Variants in ESPNL observed in about 807,000 individuals in gnomAD.
ESPNL encodes espin-like protein.
In ESPNL, 49 loss-of-function variants were observed where a neutral mutation model predicts 46.8. The ratio of observed to expected loss-of-function variants is 1.05; its 90% CI spans 0.83 to 1.33. ESPNL has a LOEUF of 1.33. Ranked by LOEUF, ESPNL falls within the 40% of genes most tolerant of loss-of-function variation. The pLI is 0.00. For synonymous variants in ESPNL, 664 were observed against 662.1 expected, an observed-to-expected ratio of 1.00 and a Z score of -0.04; for missense variants, 1,540 against 1,436.6, an observed-to-expected ratio of 1.07 and a Z score of -1.16.
chr2:238,126,540 T>C (rs1692122064), intron 6 of ESPNL, among the ~76,000 whole-genome samples: 1 of 151,154 alleles, frequency 6.6e-6, no homozygotes, highest in African/African-American at 2.4e-5. Context: ...TGTGTGATTG[T>C]GCCTGTGTGT....
In ESPNL at chr2:238,128,825, C is replaced by A. The variant is rs758740622; in HGVS notation, c.1334C>A (p.Pro445His). The change falls in exon 8 of 9, where the codon CCC becomes CAC. Residue 445 changes from proline (P) to histidine (H), a missense_variant. Transcript: ENST00000343063. ...LVPTRDERGQ[P>H]IPEWKRQVMV... ...CCCACGCGGGATGAGCGCGGCCAGC[C>A]CATCCCAGAGTGGAAGCGGCAGGTG... 2 of 1,550,704 alleles carry A rather than the reference C, an allele frequency of 1.3e-6. No homozygotes were observed. Among genetic ancestry groups the A allele is most frequent in the East Asian group, 4.9e-5 (2 of 40,992 alleles).
In ESPNL at chr2:238,122,792, G is replaced by C. The variant is rs574056595; in HGVS notation, c.988-2478G>C. Among the ~76,000 whole-genome samples, 64 of 152,344 alleles carry C rather than the reference G, an allele frequency of 4.2e-4. 1 individual carries two copies. Among genetic ancestry groups the C allele is most frequent in the African/African-American group, 1.5e-3 (62 of 41,594 alleles). On this transcript the variant is annotated intron_variant, in intron 5 of 8. Transcript: ENST00000343063. ...GTCCTGGCTGGGCAGGGGACAGTGC[G>C]GGGGCATTGGGGTGGCCTTGCTGTT...
chr2:238,117,821 G>A (rs1691849901), intron 5 of ESPNL, among the ~76,000 whole-genome samples: 1 of 152,196 alleles, frequency 6.6e-6, no homozygotes, highest in South Asian at 2.1e-4. Context: ...GAGGAGGAAT[G>A]AATGGGGCAG....
intron 2 of ESPNL, among the ~76,000 whole-genome samples, chr2:238,104,060 TGTG>T (rs2106464137): frequency 6.6e-6 from 1 of 152,122 alleles, no homozygotes; most frequent in East Asian, 1.9e-4. Flanking sequence ...GGGGAGCAGG[TGTG>T]GGGGTGCTCG....
intron 5 of ESPNL, 37 bp downstream of exon 5, chr2:238,117,071 G>C (rs748181655): frequency 1.3e-6 from 2 of 1,583,004 alleles, no homozygotes; most frequent in African/African-American, 2.7e-5. Flanking sequence ...TGGAGGCATG[G>C]GGGGTGGGCC....
intron 4 of ESPNL, among the ~76,000 whole-genome samples, chr2:238,108,247 A>G (rs1691642655): frequency 6.6e-6 from 1 of 152,186 alleles, no homozygotes; most frequent in African/African-American, 2.4e-5. Flanking sequence ...TCTTGGTGAC[A>G]GTCTTCTCAG....
intron 6 of ESPNL, among the ~76,000 whole-genome samples, chr2:238,126,899 G>GTGT (rs1273547470): frequency 1.9e-4 from 21 of 110,476 alleles, no homozygotes; most frequent in Middle Eastern, 4.9e-3. Context: ...GTGATTGTGT[G>GTGT]ATTGTGTGTG....
In ESPNL at chr2:238,114,004, A is replaced by C. The variant is rs541018493; in HGVS notation, c.856-2899A>C. Among the ~76,000 whole-genome samples the C allele has an allele frequency of 6.6e-6, 1 of 152,264 alleles. No homozygotes were observed. The highest frequency in any genetic ancestry group is 2.4e-5 in the African/African-American group (1 of 41,536). On this transcript the variant is annotated intron_variant, in intron 4 of 8. Transcript: ENST00000343063. The surrounding 1 kb of genome is among the most constrained non-coding windows in gnomAD (Gnocchi z 5.0). ...TCTGCGTTACCTTACTGAGGCTGTC[A>C]GCAGGTGACTTTTACAGTGAATCCG...
chr2:238,101,717 C>A lies in ESPNL; in HGVS notation c.295-224C>A, dbSNP rs1219084897. Among the ~76,000 whole-genome samples the A allele has an allele frequency of 2.6e-5, 4 of 152,334 alleles. No homozygotes were observed. In the East Asian group the frequency reaches 5.8e-4, roughly 22 times the overall value. ...GAGAGGGCAGGGTTGCCAGAGGTGG[C>A]CTCCCAAGACCTGGACCTGAGTCCT... On this transcript the variant is annotated intron_variant, in intron 1 of 8. Transcript: ENST00000343063.
chr2:238,109,041 G>T (rs933636019), intron 4 of ESPNL, among the ~76,000 whole-genome samples: 1 of 152,080 alleles, frequency 6.6e-6, no homozygotes, highest in Non-Finnish European at 1.5e-5. Flanking sequence ...ACCCAGCTCT[G>T]TCTCCCCAGT....
chr2:238,127,633 AG>A lies in ESPNL; in HGVS notation c.1115del (p.Ser372ThrfsTer17), dbSNP rs755747094. 6.2e-7 allele frequency: 1 copy of A among 1,607,254 alleles called. No individual in the cohort carries two copies. Among genetic ancestry groups the A allele is most frequent in the Non-Finnish European group, 8.5e-7 (1 of 1,177,422 alleles). ...GPGNPSPMSL[S>X]PAWPGHPDQP... ...CTTCTTCTTGGCAGCCATGTCCCTC[AG>A]CCCGGCCTGGCCTGGCCATCCTGAC... On this transcript the variant is annotated frameshift_variant, in exon 7 of 9. Transcript: ENST00000343063. LOFTEE classifies it high-confidence loss of function.
intron 5 of ESPNL, among the ~76,000 whole-genome samples, chr2:238,117,411 C>T (rs960958124): frequency 1.3e-5 from 2 of 152,200 alleles, no homozygotes; most frequent in Non-Finnish European, 2.9e-5. Flanking sequence ...CCATGCCTTT[C>T]GTCTGGGTCA....
chr2:238,107,948 A>G lies in ESPNL; in HGVS notation c.830A>G (p.Asp277Gly). The part of the protein sequence containing the change: ...RDSWGGTPLH[D>G]AAENGQMECC... ...TCCTGGGGTGGGACCCCCCTCCACG[A>G]CGCAGCAGAGAACGGGCAGATGGAG... Residue 277 changes from aspartate to glycine, a missense_variant, in exon 4 of 9, where the codon GAC becomes GGC. Asp to Gly is a moderately conservative substitution (Grantham distance 94). Coordinates refer to ENST00000343063, the MANE Select transcript of ESPNL (RefSeq NM_194312.4). The G allele has an allele frequency of 6.2e-7, 1 of 1,612,882 alleles. No homozygotes were observed.
intron 5 of ESPNL, among the ~76,000 whole-genome samples, chr2:238,120,862 A>G (rs1691972530): frequency 1.3e-5 from 2 of 152,218 alleles, no homozygotes; most frequent in African/African-American, 2.4e-5. Context: ...GGCTGCTCAC[A>G]CTGGCCGCCT....
chr2:238,109,263 A>G (rs1170583316), intron 4 of ESPNL, among the ~76,000 whole-genome samples: 1 of 152,252 alleles, frequency 6.6e-6, no homozygotes. Flanking sequence ...TTCAAATGAA[A>G]TATTTGATAG....
intron 5 of ESPNL, among the ~76,000 whole-genome samples, chr2:238,123,334 C>A (rs981674235): frequency 6.6e-6 from 1 of 152,236 alleles, no homozygotes; most frequent in Non-Finnish European, 1.5e-5. Context: ...AGACTGAGGT[C>A]TCCAGTGAGA....
chr2:238,125,329 G>A lies in ESPNL; in HGVS notation c.1047G>A (p.Thr349=), dbSNP rs371983774. The part of the protein sequence containing the change: ...PPFPPPPLLA[T]RRSLEDGRRG... ...TCCCCCCACCTCCACTGTTGGCCAC[G>A]AGGCGCTCCCTGGAGGATGGAAGAA... is the stretch of plus-strand genomic sequence containing the variant. The change falls in exon 6 of 9, where the codon ACG becomes ACA. Residue 349 remains threonine (T), a synonymous_variant. Coordinates refer to ENST00000343063, the MANE Select transcript of ESPNL (RefSeq NM_194312.4). 2.1e-5 allele frequency: 33 copies of A among 1,574,410 alleles called. No homozygotes were observed. Among genetic ancestry groups the A allele is most frequent in the African/African-American group, 1.5e-4 (11 of 73,836 alleles).
At chr2:238,101,783 T>C (rs1462378858) in intron 1 of ESPNL, among the ~76,000 whole-genome samples, 158 bp from the exon 2 acceptor site, 1 of 150,274 alleles carries the variant, frequency 6.7e-6, no homozygotes. Context: ...AGCACCTCCC[T>C]CCATGTTGCA....
intron 5 of ESPNL, among the ~76,000 whole-genome samples, chr2:238,122,251 A>G (rs1692003836): frequency 6.6e-6 from 1 of 152,192 alleles, no homozygotes; most frequent in Admixed American, 6.5e-5. Context: ...TTCCTATGGG[A>G]GCCAGGGGTG....
Sources: allele counts gnomAD v4.1 joint callset (sites outside exome capture counted in the v4.1 genomes callset), GRCh38; gene constraint gnomAD v4.1.1; non-coding constraint Gnocchi (gnomAD v3.1); transcripts MANE v1.5; gene names NCBI Gene and HGNC (gene_info 2026-07-23, HGNC 2026-07-21).